The following WDR27 variants were observed in gnomAD, a reference collection of about 807,000 sequenced individuals.
WDR27 encodes the protein WD repeat domain 27.
WDR27 carries 100 observed loss-of-function variants against 114.4 expected under a neutral mutation model. That is an observed-to-expected ratio of 0.87 (90% CI 0.74 to 1.03). The LOEUF is 1.03. Ranked by LOEUF, WDR27 falls within the 50% of genes least tolerant of loss-of-function variation. The pLI is 0.00. For synonymous variants in WDR27, 449 were observed against 423.1 expected, an observed-to-expected ratio of 1.06 and a Z score of -0.75; for missense variants, 1,129 against 1,092.9, an observed-to-expected ratio of 1.03 and a Z score of -0.47.
At chr6:169,698,416 A>C (rs1280009021) in intron 1 of WDR27, among the ~76,000 whole-genome samples, 2 of 152,200 alleles carry the variant, frequency 1.3e-5, no homozygotes, top group African/African-American at 4.8e-5. Flanking sequence ...CGACACACAC[A>C]CACACATACA....
the WDR27 span, among the ~76,000 whole-genome samples, chr6:169,430,795 A>G: frequency 1.3e-5 from 2 of 152,330 alleles, no homozygotes; most frequent in East Asian, 3.9e-4. Context: ...TAGAATTGTG[A>G]ACCCCATGAT....
chr6:169,638,703 T>C (rs1426995069), intron 17 of WDR27, 43 bp from the exon 18 acceptor site: 54 of 1,562,992 alleles, frequency 3.5e-5, no homozygotes, highest in Non-Finnish European at 4.5e-5. Context: ...CTACTATTAA[T>C]ATCAGTTTTG....
intron 25 of WDR27, among the ~76,000 whole-genome samples, chr6:169,474,906 G>A (rs896003205): frequency 6.6e-6 from 1 of 152,160 alleles, no homozygotes; most frequent in African/African-American, 2.4e-5. Context: ...TCTTGATAAA[G>A]TGCCCATCCC....
At chr6:169,482,469 G>A (rs1788306167) in intron 25 of WDR27, among the ~76,000 whole-genome samples, 1 of 152,152 alleles carries the variant, frequency 6.6e-6, no homozygotes, top group South Asian at 2.1e-4. Flanking sequence ...TGACTGGTAT[G>A]AGATGGTATC....
At chr6:169,459,474 C>A (rs561592712) in intron 25 of WDR27, among the ~76,000 whole-genome samples, 1 of 151,670 alleles carries the variant, frequency 6.6e-6, no homozygotes, top group African/African-American at 2.4e-5. Flanking sequence ...TTATGCATTG[C>A]AGGAGAAGAA....
intron 25 of WDR27, chr6:169,559,392 T>G (rs1799355409): frequency 6.6e-6 from 1 of 152,104 alleles, no homozygotes; most frequent in Non-Finnish European, 1.5e-5. Flanking sequence ...ACTTTAATGA[T>G]GTGGGCATTG....
chr6:169,586,763 T>C (rs975012935), intron 23 of WDR27, among the ~76,000 whole-genome samples: 1 of 144,404 alleles, frequency 6.9e-6, no homozygotes, highest in Admixed American at 7.3e-5. Context: ...GCAGGAGAAT[T>C]GCTTGAACCC....
At chr6:169,438,526 C>G in the WDR27 span, among the ~76,000 whole-genome samples, 1 of 152,266 alleles carries the variant, frequency 6.6e-6, no homozygotes, top group South Asian at 2.1e-4. Context: ...CGTGAGCCAC[C>G]GCACCCAGCC....
chr6:169,615,085 A>C (rs936966248), intron 21 of WDR27, among the ~76,000 whole-genome samples: 2 of 152,196 alleles, frequency 1.3e-5, no homozygotes, highest in Admixed American at 1.3e-4. Flanking sequence ...GATAAGTAGA[A>C]AGCGAAGAAA....
At chr6:169,690,931 A>G (rs2128303355) in intron 1 of WDR27, among the ~76,000 whole-genome samples, 1 of 152,328 alleles carries the variant, frequency 6.6e-6, no homozygotes, top group South Asian at 2.1e-4. Context: ...ATACTTCAAA[A>G]GAGGCCGGGC....
At chr6:169,657,240 T>A (rs1320466063) in intron 13 of WDR27, among the ~76,000 whole-genome samples, 1 of 152,090 alleles carries the variant, frequency 6.6e-6, no homozygotes, top group Non-Finnish European at 1.5e-5. Flanking sequence ...AACCACACAG[T>A]CAGTGAGACC....
chr6:169,619,376 C>T (rs998430948), intron 21 of WDR27, among the ~76,000 whole-genome samples: 1 of 151,990 alleles, frequency 6.6e-6, no homozygotes. Context: ...CGCCTCTTGT[C>T]GACAGAAAGA....
intron 16 of WDR27, among the ~76,000 whole-genome samples, chr6:169,645,055 A>G (rs1210774564): frequency 6.9e-5 from 4 of 57,682 alleles, no homozygotes; most frequent in African/African-American, 1.2e-4. Context: ...AAAAAAAAAA[A>G]AAAGAAAATC....
intron 25 of WDR27, among the ~76,000 whole-genome samples, chr6:169,486,850 T>C (rs777559227): frequency 6.6e-6 from 1 of 152,206 alleles, no homozygotes; most frequent in Non-Finnish European, 1.5e-5. Context: ...TGAGACCAGT[T>C]TCTTTATTCA....
intron 1 of WDR27, among the ~76,000 whole-genome samples, chr6:169,698,634 G>C (rs746413627): frequency 6.6e-6 from 1 of 152,210 alleles, no homozygotes; most frequent in Non-Finnish European, 1.5e-5. Flanking sequence ...CTAAGAACAT[G>C]GCTGGACCAC....
At chr6:169,502,176 C>G (rs1301722160) in intron 25 of WDR27, among the ~76,000 whole-genome samples, 1 of 152,184 alleles carries the variant, frequency 6.6e-6, no homozygotes, top group East Asian at 1.9e-4. Flanking sequence ...CAGCAGGCCC[C>G]CATGCAGGGA....
chr6:169,575,340 A>C (rs1584324246), intron 24 of WDR27, among the ~76,000 whole-genome samples: 6 of 69,516 alleles, frequency 8.6e-5, no homozygotes, highest in South Asian at 9.5e-4. Context: ...CTCTCCATCC[A>C]TCCATCCCTC....
In WDR27 at chr6:169,587,356, T is replaced by A. The variant is rs1475836208; in HGVS notation, c.2425-4422A>T. 2.6e-5 allele frequency among the ~76,000 whole-genome samples: 4 copies of A among 151,852 alleles called. No homozygotes were observed. The East Asian group carries it at 7.8e-4, about 29-fold the overall frequency. The stretch of plus-strand genomic sequence containing the variant: ...GCCTCAGTCTCTCAAGTAGTTTGGA[T>A]TACAGGTGCCTAGCACCACACGCGG... On this transcript the variant is annotated intron_variant, in intron 23 of 25. Transcript: ENST00000448612.
At chr6:169,442,355 G>T in the WDR27 span, among the ~76,000 whole-genome samples, 42,919 of 152,138 alleles carry the variant, frequency 0.28, 7,889 homozygotes, top group Non-Finnish European at 0.41. Context: ...ATTTACACAT[G>T]CCTGTTAATG....
Sources: allele counts gnomAD v4.1 joint callset (sites outside exome capture counted in the v4.1 genomes callset), GRCh38; gene constraint gnomAD v4.1.1; transcripts MANE v1.5; gene names NCBI Gene and HGNC (gene_info 2026-07-23, HGNC 2026-07-21).